Variants in COL4A3 observed in about 807,000 individuals in gnomAD.
The protein encoded by COL4A3 is collagen alpha-3(IV) chain.
Under a neutral mutation model 217.4 loss-of-function variants are expected in COL4A3, and 135 were observed. The ratio of observed to expected loss-of-function variants is 0.62; its 90% CI spans 0.54 to 0.72. The LOEUF is 0.72. Among genes scored for constraint, COL4A3 ranks in the 30% least tolerant of loss-of-function variants. COL4A3 has a pLI of 0.00. For synonymous variants in COL4A3, 690 were observed against 736.3 expected, an observed-to-expected ratio of 0.94 and a Z score of 1.02; for missense variants, 1,868 against 2,119.9, an observed-to-expected ratio of 0.88 and a Z score of 2.33.
chr2:227,264,392 A>G (rs1225585466), intron 21 of COL4A3, among the ~76,000 whole-genome samples: 1 of 152,070 alleles, frequency 6.6e-6, no homozygotes, highest in Non-Finnish European at 1.5e-5. Flanking sequence ...CTGTGTCTGC[A>G]TGGTTCCCAG....
At position 227,176,961 on chromosome 2, in the gene COL4A3, A is replaced by G. The variant is rs73996215; in HGVS notation, c.87+12148A>G. On this transcript the variant is annotated intron_variant, in intron 1 of 51. Transcript: ENST00000396578. ...AAAAAAAAGTTATATGTGCTGTACA[A>G]AATTTGGAAAAAGTCTACAAGTATG... 3.4e-3 allele frequency among the ~76,000 whole-genome samples: 516 copies of G among 152,316 alleles called. 3 individuals carry two copies. Among genetic ancestry groups the G allele is most frequent in the African/African-American group, 0.012 (496 of 41,564 alleles).
At chr2:227,309,407 T>C in intron 50 of COL4A3, 89 bp downstream of exon 50, 4 of 944,254 alleles carry the variant, frequency 4.2e-6, no homozygotes, top group East Asian at 5.2e-5. Flanking sequence ...CCAGGGTCGA[T>C]GCTGCCTGCT....
intron 34 of COL4A3, among the ~76,000 whole-genome samples, chr2:227,287,542 C>G (rs2072410287): frequency 6.6e-6 from 1 of 152,050 alleles, no homozygotes; most frequent in Non-Finnish European, 1.5e-5. Flanking sequence ...AGTAAACAAA[C>G]AGACTAAACA....
chr2:227,208,842 AGAG>A (rs1281321126), intron 1 of COL4A3, among the ~76,000 whole-genome samples: 1 of 150,330 alleles, frequency 6.7e-6, no homozygotes, highest in Non-Finnish European at 1.5e-5. Flanking sequence ...AGTTCTAGAA[AGAG>A]GAGCAAAAAA....
intron 21 of COL4A3, 26 bp downstream of exon 21, chr2:227,263,970 T>C: frequency 6.2e-7 from 1 of 1,613,936 alleles, no homozygotes; most frequent in South Asian, 1.1e-5. Context: ...GGGACCCCTT[T>C]TGTGCACAGT....
rs544621597 is a variant in COL4A3, at chr2:227,305,148, G to A, written c.4252+65G>A. ...TTCGACATACAGAGAAGTCTTGTTC[G>A]AGTGGGTGACTATATGAGTTATCTA... On this transcript the variant is annotated intron_variant, in intron 47 of 51. Transcript: ENST00000396578. 9.5e-5 allele frequency: 134 copies of A among 1,412,340 alleles called. 1 individual carries two copies. The South Asian group carries it at 9.7e-4, about 10-fold the overall frequency. 87.5% of individuals were successfully genotyped at this position (1,412,340 alleles called of 1,614,324 possible). A position where few individuals can be genotyped will look rare whatever the true frequency, so the allele number is the denominator to read the frequency against.
rs1012170300 is a variant in COL4A3, at chr2:227,313,407, T to C, written c.*1537T>C. Reference sequence around the variant, plus strand: ...CTAAGAGAAGATAAGGTCTGAATAATAGCAGAAAAACCAACATCTACAAAA... The same window carrying C: ...CTAAGAGAAGATAAGGTCTGAATAACAGCAGAAAAACCAACATCTACAAAA... On this transcript the variant is annotated 3_prime_UTR_variant, in exon 52 of 52. Coordinates refer to ENST00000396578, the MANE Select transcript of COL4A3 (RefSeq NM_000091.5). 4 of 152,600 alleles carry C rather than the reference T, an allele frequency of 2.6e-5. No homozygotes were observed. The highest frequency in any genetic ancestry group is 6.5e-5 in the Admixed American group (1 of 15,270). The allele number at this position is 152,600 out of a possible 1,614,324, so 9.5% of individuals were successfully genotyped here.
chr2:227,293,529 G>A (rs2106228460), intron 38 of COL4A3, among the ~76,000 whole-genome samples: 1 of 152,260 alleles, frequency 6.6e-6, no homozygotes, highest in Admixed American at 6.5e-5. Context: ...ACAAAAATAT[G>A]TTCCTATAAA....
chr2:227,215,153 C>T (rs2067478805), intron 1 of COL4A3, among the ~76,000 whole-genome samples: 1 of 151,786 alleles, frequency 6.6e-6, no homozygotes, highest in South Asian at 2.1e-4. Context: ...GTCTCATCAT[C>T]ATCATTTTTT....
rs138200928 is a variant in COL4A3 at position 227,282,613 on chromosome 2, G to A, written c.2656+81G>A. On this transcript the variant is annotated intron_variant, in intron 32 of 51. Coordinates refer to ENST00000396578, the MANE Select transcript of COL4A3 (RefSeq NM_000091.5). The surrounding 1 kb of genome is among the most constrained non-coding windows in gnomAD (Gnocchi z 4.4). ...CTCTGTCAACTGTACATAGGCATAC[G>A]CTTTTTACTCTATGCTTTTACTTAA... 865 of 1,242,006 alleles carry A rather than the reference G, an allele frequency of 7.0e-4. 1 individual carries two copies. In the African/African-American group the frequency reaches 0.01, roughly 14 times the overall value. The allele number at this position is 1,242,006 out of a possible 1,614,324, so 76.9% of individuals were successfully genotyped here. A position where few individuals can be genotyped will look rare whatever the true frequency, so the allele number is the denominator to read the frequency against.
intron 26 of COL4A3, among the ~76,000 whole-genome samples, chr2:227,276,156 G>C (rs2071546294): frequency 6.6e-6 from 1 of 152,164 alleles, no homozygotes; most frequent in African/African-American, 2.4e-5. Flanking sequence ...CAGGAAACAG[G>C]TTAAAACAAA....
At position 227,288,951 on chromosome 2, in the gene COL4A3, G is replaced by GTTT. The variant is rs200614219; in HGVS notation, c.2882-184_2882-182dup. ...TTTGATGCCTGGTTTTTTGTTTTGG[G>GTTT]TTTTTTTTTTTTTTTTTGAGATGGA... is the stretch of plus-strand genomic sequence containing the variant. On this transcript the variant is annotated intron_variant, in intron 34 of 51. Coordinates refer to ENST00000396578, the MANE Select transcript of COL4A3 (RefSeq NM_000091.5). 5.0e-3 allele frequency among the ~76,000 whole-genome samples: 663 copies of GTTT among 133,364 alleles called. 13 individuals are homozygous for GTTT. The highest frequency in any genetic ancestry group is 0.017 in the African/African-American group (591 of 35,636). The allele number at this position is 133,364 out of a possible 152,430, so 87.5% of individuals were successfully genotyped here.
chr2:227,216,925 T>C (rs1302796291), intron 1 of COL4A3, among the ~76,000 whole-genome samples: 1 of 152,222 alleles, frequency 6.6e-6, no homozygotes, highest in Non-Finnish European at 1.5e-5. Context: ...TAGACTCTCA[T>C]GTTTCCTCAA....
At position 227,272,968 on chromosome 2, in the gene COL4A3, G is replaced by C. The variant is rs751361421; in HGVS notation, c.1778G>C (p.Gly593Ala). Residue 593 changes from glycine (G) to alanine (A), a missense_variant, in exon 26 of 52, where the codon GGG becomes GCG. Around this residue, in one of 2 missense-constraint regions of COL4A3, gnomAD observed 1,503 missense variants for 1,786.1 expected, o/e 0.84. Coordinates refer to ENST00000396578, the MANE Select transcript of COL4A3 (RefSeq NM_000091.5). ...TCACAGGCTCTGAGTGGTGAGAAAG[G>C]GGACCAAGGTCCTCCAGGGGATCCT... ...KGELALSGEK[G>A]DQGPPGDPGS... 6.2e-7 allele frequency: 1 copy of C among 1,614,086 alleles called. No homozygotes were observed. Among genetic ancestry groups the C allele is most frequent in the South Asian group, 1.1e-5 (1 of 91,082 alleles).
In COL4A3 at chr2:227,290,841, G is replaced by A. The variant is rs2072651480; in HGVS notation, c.3165G>A (p.Glu1055=). ...ATGGTCTCCAGGGAGATAAGGGAGA[G>A]CCAGGTTATTCAGAAGGTACAAGGC... is the stretch of plus-strand genomic sequence containing the variant. ...GIHGLQGDKG[E]PGYSEGTRPG... is the part of the protein sequence containing the mutation. Residue 1055 remains glutamate, a synonymous_variant, in exon 37 of 52, where the codon GAG becomes GAA. Transcript: ENST00000396578. 1 of 1,613,698 alleles carries A rather than the reference G, an allele frequency of 6.2e-7. No homozygotes were observed. The highest frequency in any genetic ancestry group is 8.5e-7 in the Non-Finnish European group (1 of 1,179,930).
chr2:227,216,081 G>C (rs1303317483), intron 1 of COL4A3, among the ~76,000 whole-genome samples: 2 of 152,098 alleles, frequency 1.3e-5, no homozygotes, highest in African/African-American at 2.4e-5. Flanking sequence ...GGAGGGAGGA[G>C]AGAATGAGAG....
chr2:227,172,584 T>A (rs1398069345), intron 1 of COL4A3, among the ~76,000 whole-genome samples: 2 of 135,018 alleles, frequency 1.5e-5, no homozygotes, highest in Non-Finnish European at 3.2e-5. Context: ...TCTTCTTCTT[T>A]TTTTTTTTTT....
chr2:227,301,659 G>A (rs943250357), intron 43 of COL4A3: 3 of 152,192 alleles, frequency 2.0e-5, no homozygotes, highest in Admixed American at 1.3e-4. Context: ...TGGTGATTTC[G>A]TGGTCATTCA....
intron 30 of COL4A3, 138 bp downstream of exon 30, chr2:227,280,728 T>C: frequency 8.5e-7 from 1 of 1,173,106 alleles, no homozygotes; most frequent in South Asian, 1.2e-5. Context: ...CTTTCCTTCT[T>C]CCTTCCTTCT....
Sources: allele counts gnomAD v4.1 joint callset (sites outside exome capture counted in the v4.1 genomes callset), GRCh38; gene constraint gnomAD v4.1.1; regional missense constraint gnomAD v4.1.1; non-coding constraint Gnocchi (gnomAD v3.1); transcripts MANE v1.5; gene names NCBI Gene and HGNC (gene_info 2026-07-23, HGNC 2026-07-21).